The following DGKB variants were observed in gnomAD, a reference collection of about 807,000 sequenced individuals.
DGKB encodes the protein diacylglycerol kinase beta.
A neutral mutation model predicts 114.3 loss-of-function variants in DGKB; 67 were observed. That is an observed-to-expected ratio of 0.59 (90% confidence interval 0.48 to 0.72). DGKB has a LOEUF of 0.72. Among genes scored for constraint, DGKB ranks in the 30% least tolerant of loss-of-function variants. DGKB has a pLI of 0.00. For missense variants in DGKB, 907 were observed against 975.2 expected (o/e 0.93, Z 0.93); for synonymous variants, 398 against 323.1 (o/e 1.23, Z -2.49).
chr7:14,538,584 CA>C (rs955400015), intron 20 of DGKB, among the ~76,000 whole-genome samples: 15 of 148,040 alleles, frequency 1.0e-4, no homozygotes, highest in African/African-American at 2.5e-4. Context: ...AGAGATTCCT[CA>C]AAAAAAAAAT....
intron 13 of DGKB, among the ~76,000 whole-genome samples, chr7:14,666,591 G>A (rs1402402469): frequency 6.6e-6 from 1 of 151,926 alleles, no homozygotes; most frequent in Non-Finnish European, 1.5e-5. Flanking sequence ...GTTGGGAAGG[G>A]TTAATGGCCT....
intron 1 of DGKB, among the ~76,000 whole-genome samples, chr7:14,918,874 C>T (rs895574794): frequency 3.3e-5 from 5 of 151,792 alleles, no homozygotes; most frequent in Admixed American, 2.6e-4. Flanking sequence ...ACCAACTGGC[C>T]AACACGGTGA....
At chr7:14,493,105 T>G (rs1784820311) in intron 20 of DGKB, among the ~76,000 whole-genome samples, 2 of 152,128 alleles carry the variant, frequency 1.3e-5, no homozygotes, top group African/African-American at 4.8e-5. Context: ...TAGGCAAGTA[T>G]ATGTGGTCAA....
At chr7:14,570,962 C>G (rs1393533359) in intron 20 of DGKB, among the ~76,000 whole-genome samples, 1 of 152,114 alleles carries the variant, frequency 6.6e-6, no homozygotes, top group Non-Finnish European at 1.5e-5. Context: ...CTGTATAATT[C>G]TTTACTTTGT....
intron 23 of DGKB, among the ~76,000 whole-genome samples, chr7:14,267,664 A>G (rs912006701): frequency 6.6e-6 from 1 of 151,104 alleles, no homozygotes; most frequent in African/African-American, 2.4e-5. Flanking sequence ...AATTTTTTGT[A>G]TTTTTTAGCA....
intron 23 of DGKB, among the ~76,000 whole-genome samples, chr7:14,312,192 C>T (rs1332297325): frequency 6.6e-6 from 1 of 152,102 alleles, no homozygotes; most frequent in African/African-American, 2.4e-5. Flanking sequence ...TCTCTTGACC[C>T]CTATTATAAT....
intron 23 of DGKB, among the ~76,000 whole-genome samples, chr7:14,275,218 T>G (rs147856416): frequency 6.7e-4 from 102 of 152,300 alleles, no homozygotes; most frequent in African/African-American, 2.4e-3. Context: ...GTTTTGTTTT[T>G]AAATGTGCAT....
intron 23 of DGKB, among the ~76,000 whole-genome samples, chr7:14,296,909 C>T (rs1020212136): frequency 2.0e-5 from 3 of 151,740 alleles, no homozygotes; most frequent in Non-Finnish European, 2.9e-5. Flanking sequence ...AAACTACCAT[C>T]GGAAAATACT....
intron 16 of DGKB, among the ~76,000 whole-genome samples, chr7:14,609,390 C>CTCAA (rs1326259303): frequency 1.3e-5 from 2 of 152,120 alleles, no homozygotes; most frequent in East Asian, 3.9e-4. Context: ...CAAAAATTAA[C>CTCAA]TCAACATGGA....
chr7:14,453,028 T>C (rs1159657497), intron 21 of DGKB, among the ~76,000 whole-genome samples: 2 of 152,164 alleles, frequency 1.3e-5, no homozygotes, highest in Non-Finnish European at 2.9e-5. Context: ...TGCATGCGTG[T>C]GCATGGAAAT....
chr7:14,518,034 C>T (rs775324244), intron 20 of DGKB, among the ~76,000 whole-genome samples: 1 of 152,084 alleles, frequency 6.6e-6, no homozygotes, highest in Non-Finnish European at 1.5e-5. Context: ...CAGCACTATT[C>T]ACAATAGCAA....
At chr7:14,260,128 ACACAC>A (rs1796559425) in intron 23 of DGKB, among the ~76,000 whole-genome samples, 1 of 151,448 alleles carries the variant, frequency 6.6e-6, no homozygotes, top group African/African-American at 2.4e-5. Context: ...ACACACACAC[ACACAC>A]ACACAGTTGA....
chr7:14,776,462 C>T (rs1276652372), intron 2 of DGKB, among the ~76,000 whole-genome samples: 1 of 152,124 alleles, frequency 6.6e-6, no homozygotes, highest in Non-Finnish European at 1.5e-5. Flanking sequence ...TGGACTGGGC[C>T]CAGGGCCCAC....
At chr7:14,730,326 T>C (rs1830721582) in intron 5 of DGKB, among the ~76,000 whole-genome samples, 1 of 152,102 alleles carries the variant, frequency 6.6e-6, no homozygotes, top group Non-Finnish European at 1.5e-5. Flanking sequence ...AAGGGACAAA[T>C]GGTGTCTTGT....
chr7:14,898,657 C>G (rs1385874800), intron 1 of DGKB, among the ~76,000 whole-genome samples: 1 of 152,084 alleles, frequency 6.6e-6, no homozygotes, highest in Non-Finnish European at 1.5e-5. Flanking sequence ...TGAAAACTAA[C>G]TCTATTCCCA....
At chr7:14,861,500 T>C (rs1850969632) in intron 1 of DGKB, among the ~76,000 whole-genome samples, 1 of 151,992 alleles carries the variant, frequency 6.6e-6, no homozygotes, top group African/African-American at 2.4e-5. Context: ...TATAGGATTA[T>C]ATAAAAAGTT....
intron 2 of DGKB, among the ~76,000 whole-genome samples, chr7:14,800,628 C>A (rs1842031120): frequency 6.6e-6 from 1 of 152,130 alleles, no homozygotes; most frequent in Admixed American, 6.5e-5. Flanking sequence ...ACTTAGTAAA[C>A]TCACCTTTTT....
intron 2 of DGKB, among the ~76,000 whole-genome samples, chr7:14,806,860 C>A (rs933798199): frequency 5.3e-5 from 8 of 151,912 alleles, no homozygotes; most frequent in Non-Finnish European, 8.8e-5. Flanking sequence ...AACCTAGGCC[C>A]AGAAAATTAG....
At chr7:14,920,256 T>C (rs1397580233) in intron 1 of DGKB, among the ~76,000 whole-genome samples, 5 of 152,164 alleles carry the variant, frequency 3.3e-5, no homozygotes, top group East Asian at 1.9e-4. Context: ...AAATTACATA[T>C]CTGATAATGC....
Sources: gnomAD v4.1 joint callset for allele counts (sites outside exome capture counted in the v4.1 genomes callset) on GRCh38, gnomAD v4.1.1 for gene constraint, MANE v1.5 for transcripts, NCBI Gene and HGNC (gene_info 2026-07-23, HGNC 2026-07-21) for gene names.